RAB31: variants seen among roughly 807,000 people sequenced by gnomAD.
RAB31 encodes RAB31, member RAS oncogene family, also known as ras-related protein Rab-31.
A neutral mutation model predicts 25.6 loss-of-function variants in RAB31; 21 were observed. That is an observed-to-expected ratio of 0.82 (90% CI 0.58 to 1.18). RAB31 has a LOEUF of 1.18. Ranked by LOEUF, RAB31 falls within the 50% of genes most tolerant of loss-of-function variation. RAB31 has a pLI of 0.00. For missense variants in RAB31, 196 were observed against 250.1 expected (o/e 0.78, Z 1.46); for synonymous variants, 87 against 84.0 (o/e 1.04, Z -0.20).
chr18:9,783,442 A>C (rs2145495335), intron 2 of RAB31, among the ~76,000 whole-genome samples: 1 of 152,328 alleles, frequency 6.6e-6, no homozygotes, highest in East Asian at 1.9e-4. Flanking sequence ...TTTTAAAGGC[A>C]TGAACTTTGT....
At chr18:9,780,961 A>C (rs965304459) in intron 2 of RAB31, among the ~76,000 whole-genome samples, 3 of 151,784 alleles carry the variant, frequency 2.0e-5, no homozygotes, top group African/African-American at 7.3e-5. Context: ...ACAGAACAAA[A>C]CAAAACATAA....
At chr18:9,776,616 T>C (rs888531248) in intron 2 of RAB31, among the ~76,000 whole-genome samples, 28 of 152,194 alleles carry the variant, frequency 1.8e-4, no homozygotes, top group African/African-American at 6.8e-4. Flanking sequence ...TGTGACTTGT[T>C]AGCCTGACTC....
intron 1 of RAB31, among the ~76,000 whole-genome samples, chr18:9,736,707 G>C (rs1432443019): frequency 6.6e-6 from 1 of 152,166 alleles, no homozygotes; most frequent in Non-Finnish European, 1.5e-5. Flanking sequence ...TTTGCCGAAA[G>C]CAAGAGAAGT....
intron 1 of RAB31, among the ~76,000 whole-genome samples, chr18:9,746,248 C>CATTTG: frequency 6.6e-6 from 1 of 152,156 alleles, no homozygotes; most frequent in East Asian, 1.9e-4. Flanking sequence ...GAACATTTCA[C>CATTTG]ATTGCTGAAA....
At chr18:9,804,063 T>C (rs1427070331) in intron 3 of RAB31, among the ~76,000 whole-genome samples, 1 of 152,210 alleles carries the variant, frequency 6.6e-6, no homozygotes, top group Non-Finnish European at 1.5e-5. Flanking sequence ...GTGAGGGATG[T>C]GGCCTGGGCC....
At chr18:9,785,453 A>T (rs983380732) in intron 2 of RAB31, among the ~76,000 whole-genome samples, 18 of 152,216 alleles carry the variant, frequency 1.2e-4, no homozygotes, top group Admixed American at 9.2e-4. Context: ...GGGTGTCATG[A>T]TATATATGTC....
At chr18:9,785,694 C>A (rs2068428218) in intron 2 of RAB31, among the ~76,000 whole-genome samples, 1 of 152,156 alleles carries the variant, frequency 6.6e-6, no homozygotes, top group Non-Finnish European at 1.5e-5. Flanking sequence ...CCAAGAAGAA[C>A]CTGAACACAC....
chr18:9,825,981 C>T (rs1270873897), intron 5 of RAB31, among the ~76,000 whole-genome samples: 1 of 152,156 alleles, frequency 6.6e-6, no homozygotes, highest in Non-Finnish European at 1.5e-5. Context: ...CTCTTGTGCT[C>T]AGTACGTGGG....
intron 1 of RAB31, among the ~76,000 whole-genome samples, chr18:9,709,140 T>G (rs1312655717): frequency 6.6e-6 from 1 of 151,896 alleles, no homozygotes; most frequent in African/African-American, 2.4e-5. Flanking sequence ...TCCCCTAAAG[T>G]GGGGTTTTCT....
intron 1 of RAB31, among the ~76,000 whole-genome samples, chr18:9,725,860 C>A (rs1374138463): frequency 6.6e-6 from 1 of 152,184 alleles, no homozygotes; most frequent in Non-Finnish European, 1.5e-5. Context: ...GATGGTCTCA[C>A]CTTGATGGCA....
intron 1 of RAB31, among the ~76,000 whole-genome samples, chr18:9,741,443 A>G (rs2068178791): frequency 6.6e-6 from 1 of 151,208 alleles, no homozygotes; most frequent in African/African-American, 2.4e-5. Flanking sequence ...GGCAAACTTC[A>G]GAATTGGGTG....
At chr18:9,732,585 C>T (rs2068129292) in intron 1 of RAB31, among the ~76,000 whole-genome samples, 3 of 152,232 alleles carry the variant, frequency 2.0e-5, no homozygotes, top group African/African-American at 7.2e-5. Context: ...CTCTCCACCA[C>T]AGCCGTGTCT....
At chr18:9,776,782 C>T (rs542899253) in intron 2 of RAB31, among the ~76,000 whole-genome samples, 13 of 152,188 alleles carry the variant, frequency 8.5e-5, no homozygotes, top group South Asian at 2.1e-4. Context: ...GCTGAGGGAA[C>T]GCAAGTCTTC....
At chr18:9,856,643 G>A (rs2068817444) in intron 6 of RAB31, among the ~76,000 whole-genome samples, 1 of 152,148 alleles carries the variant, frequency 6.6e-6, no homozygotes, top group Non-Finnish European at 1.5e-5. Flanking sequence ...ATGCTAAAAT[G>A]TCAACTCCTT....
At chr18:9,789,636 G>GA (rs921109451) in intron 2 of RAB31, among the ~76,000 whole-genome samples, 1 of 152,148 alleles carries the variant, frequency 6.6e-6, no homozygotes, top group Non-Finnish European at 1.5e-5. Flanking sequence ...GCTGGGTGGT[G>GA]AAATATGATT....
chr18:9,820,778 C>G (rs2068621138), intron 5 of RAB31, among the ~76,000 whole-genome samples: 1 of 151,866 alleles, frequency 6.6e-6, no homozygotes, highest in African/African-American at 2.4e-5. Context: ...AAATTTGAAA[C>G]TTCTCTCTTT....
Position 9,708,519 on chromosome 18 carries a change from C to T in RAB31, c.39+75C>T. On this transcript the variant is annotated intron_variant, in intron 1 of 6. Coordinates refer to ENST00000578921, the MANE Select transcript of RAB31 (RefSeq NM_006868.4). The surrounding 1 kb of genome is among the most constrained non-coding windows in gnomAD (Gnocchi z 6.4). ...CCCCTTCGCTCCCCTATTCCCTGCG[C>T]GCTCAGTCCCCGTGATCCCCTCGCT... is the stretch of plus-strand genomic sequence containing the variant. 1 of 1,320,346 alleles carries T rather than the reference C, an allele frequency of 7.6e-7. No individual in the cohort carries two copies. Among genetic ancestry groups the T allele is most frequent in the Admixed American group, 2.5e-5 (1 of 39,876 alleles). 81.8% of individuals were successfully genotyped at this position (1,320,346 alleles called of 1,614,324 possible).
At chr18:9,752,751 A>G (rs1349082738) in intron 1 of RAB31, among the ~76,000 whole-genome samples, 1 of 152,266 alleles carries the variant, frequency 6.6e-6, no homozygotes, top group Non-Finnish European at 1.5e-5. Flanking sequence ...AAATGAATAC[A>G]CACATATTCG....
At chr18:9,832,268 T>G (rs2068682567) in intron 5 of RAB31, among the ~76,000 whole-genome samples, 1 of 152,188 alleles carries the variant, frequency 6.6e-6, no homozygotes, top group Admixed American at 6.5e-5. Flanking sequence ...AGTCCTCGAT[T>G]GCTCCAAACC....
Sources: gnomAD v4.1 joint callset for allele counts (sites outside exome capture counted in the v4.1 genomes callset) on GRCh38, gnomAD v4.1.1 for gene constraint, Gnocchi (gnomAD v3.1) non-coding constraint, MANE v1.5 for transcripts, NCBI Gene and HGNC (gene_info 2026-07-23, HGNC 2026-07-21) for gene names.